The following NCBP2L variants were observed in gnomAD, a reference collection of about 807,000 sequenced individuals.
NCBP2L encodes nuclear cap-binding protein subunit 2-like.
For missense variants in NCBP2L, 95 were observed against 53.1 expected, an observed-to-expected ratio of 1.79 and a Z score of -2.45; for synonymous variants, 39 against 19.2, an observed-to-expected ratio of 2.04 and a Z score of -2.70.
In NCBP2L at chrX:107,783,728, C is replaced by T. The variant is rs151159443; in HGVS notation, c.-73+5870C>T. 8.8e-3 allele frequency among the ~76,000 whole-genome samples: 970 copies of T among 110,764 alleles called. 11 individuals carry two copies. The highest frequency in any genetic ancestry group is 0.03 in the African/African-American group (923 of 30,359). On this transcript the variant is annotated intron_variant, in intron 1 of 1. Transcript: ENST00000509000. The stretch of plus-strand genomic sequence containing the variant: ...TGATGTTTTGACATACATTGTGAAA[C>T]GATTACCACAATCAAGCTAATTAAC...
intron 1 of NCBP2L, among the ~76,000 whole-genome samples, chrX:107,791,175 A>G (rs1236136323): frequency 8.9e-6 from 1 of 112,328 alleles, no homozygotes; most frequent in African/African-American, 3.2e-5. Flanking sequence ...CTCCCATGCC[A>G]GTTATCTTTC....
At position 107,789,174 on chromosome X, in the gene NCBP2L, CTT is replaced by C. The variant is rs760912732; in HGVS notation, c.-72-4953_-72-4952del. 4.5e-3 allele frequency among the ~76,000 whole-genome samples: 301 copies of C among 67,015 alleles called. 3 individuals are homozygous for C. Among genetic ancestry groups the C allele is most frequent in the African/African-American group, 0.018 (285 of 15,921 alleles). 58.2% of individuals were successfully genotyped at this position (67,015 alleles called of 115,157 possible). A position where few individuals can be genotyped will look rare whatever the true frequency, so the allele number is the denominator to read the frequency against. ...GTTGTGTCCCTACATGTCCTAACCT[CTT>C]TTTTTTTTTTTTTTTTTTTTTGGGC... On this transcript the variant is annotated intron_variant, in intron 1 of 1. Transcript: ENST00000509000.
Position 107,795,194 on chromosome X carries a change from C to T in NCBP2L, c.*512C>T, listed in dbSNP as rs891787879. On this transcript the variant is annotated 3_prime_UTR_variant, in exon 2 of 2. Coordinates refer to ENST00000509000, the MANE Select transcript of NCBP2L (RefSeq NM_001348372.2). ...ACCTCTTCCTATCCTACGCCTATTC[C>T]CTGGACGATAACGCTTAATTATTTT... 6.2e-5 allele frequency: 7 copies of T among 112,261 alleles called. No individual in the cohort carries two copies. Among genetic ancestry groups the T allele is most frequent in the African/African-American group, 2.3e-4 (7 of 30,824 alleles). 9.3% of individuals were successfully genotyped at this position (112,261 alleles called of 1,213,427 possible).
In NCBP2L at chrX:107,794,966, A is replaced by G. The variant is rs1602440060; in HGVS notation, c.*284A>G. ...TAAGATCAGAGTCAACCAAAGCACA[A>G]CTTCCCTTTTAAGAAGATTTCTGTT... On this transcript the variant is annotated 3_prime_UTR_variant, in exon 2 of 2. Transcript: ENST00000509000. 6.1e-6 allele frequency: 1 copy of G among 163,004 alleles called. No homozygotes were observed. Among genetic ancestry groups the G allele is most frequent in the African/African-American group, 3.1e-5 (1 of 32,575 alleles). The allele number at this position is 163,004 out of a possible 1,213,427, so 13.4% of individuals were successfully genotyped here. A position where few individuals can be genotyped will look rare whatever the true frequency, so the allele number is the denominator to read the frequency against.
chrX:107,781,692 C>CTCTCTCTATA lies in NCBP2L; in HGVS notation c.-73+3835_-73+3836insCTCTCTATAT, dbSNP rs1395038482. Reference sequence around the variant, plus strand: ...TATCTATCTATCTCTCTCTCTCTCTCTATATATATATATATATAGATCTAT... The same window carrying CTCTCTCTATA: ...TATCTATCTATCTCTCTCTCTCTCTCTCTCTCTATATATATATATATATATATAGATCTAT... On this transcript the variant is annotated intron_variant, in intron 1 of 1. Transcript: ENST00000509000. 2.2e-3 allele frequency among the ~76,000 whole-genome samples: 148 copies of CTCTCTCTATA among 66,906 alleles called. 2 individuals carry two copies. Among genetic ancestry groups the CTCTCTCTATA allele is most frequent in the Middle Eastern group, 9.3e-3 (1 of 108 alleles). 58.1% of individuals were successfully genotyped at this position (66,906 alleles called of 115,157 possible).
chrX:107,794,596 G>C lies in NCBP2L; in HGVS notation c.376G>C (p.Gly126Arg), dbSNP rs5962886. 2 of 567,259 alleles carry C rather than the reference G, an allele frequency of 3.5e-6. No individual in the cohort carries two copies. Among genetic ancestry groups the C allele is most frequent in the Non-Finnish European group, 6.5e-6 (2 of 309,012 alleles). 46.7% of individuals were successfully genotyped at this position (567,259 alleles called of 1,213,427 possible). The change falls in exon 2 of 2, where the codon GGT becomes CGT. Residue 126 changes from glycine (G) to arginine (R), a missense_variant. Coordinates refer to ENST00000509000, the MANE Select transcript of NCBP2L (RefSeq NM_001348372.2). The stretch of plus-strand genomic sequence containing the variant: ...TAGAGAGGGTCAACAGTATGGTCGC[G>C]GTAAATCTGGGGGTCAGGTAAGGGA... ...GFREGQQYGR[G>R]KSGGQVRDEF...
At chrX:107,784,400 C>T (rs1930368597) in intron 1 of NCBP2L, among the ~76,000 whole-genome samples, 1 of 110,801 alleles carries the variant, frequency 9.0e-6, no homozygotes, top group Non-Finnish European at 1.9e-5. Flanking sequence ...TCTTCCATCT[C>T]TGATCTTTTG....
At position 107,789,585 on chromosome X, in the gene NCBP2L, C is replaced by T. The variant is rs1602438138; in HGVS notation, c.-72-4564C>T. Reference sequence around the variant, plus strand: ...CACTGTTATTTCTCTTTTAAGTAAACCAATGACATCCTAATTGCCAAATCT... The same window carrying T: ...CACTGTTATTTCTCTTTTAAGTAAATCAATGACATCCTAATTGCCAAATCT... On this transcript the variant is annotated intron_variant, in intron 1 of 1. Transcript: ENST00000509000. 1.8e-5 allele frequency among the ~76,000 whole-genome samples: 2 copies of T among 111,550 alleles called. 1 individual carries two copies.
At chrX:107,787,547 C>T (rs1205679327) in intron 1 of NCBP2L, among the ~76,000 whole-genome samples, 2 of 112,088 alleles carry the variant, frequency 1.8e-5, no homozygotes, top group Non-Finnish European at 3.8e-5. Flanking sequence ...ACCTCCATGA[C>T]ATGTTTATGT....
chrX:107,790,833 G>A (rs1193192010), intron 1 of NCBP2L, among the ~76,000 whole-genome samples: 2 of 111,647 alleles, frequency 1.8e-5, no homozygotes, highest in African/African-American at 6.5e-5. Flanking sequence ...TAAATACTAC[G>A]TAAATTTTTT....
chrX:107,790,717 A>C (rs1177555046), intron 1 of NCBP2L, among the ~76,000 whole-genome samples: 1 of 111,807 alleles, frequency 8.9e-6, no homozygotes, highest in Non-Finnish European at 1.9e-5. Flanking sequence ...ACTAGTGACA[A>C]TGATTGGGTG....
intron 1 of NCBP2L, among the ~76,000 whole-genome samples, chrX:107,784,934 G>T (rs760911060): frequency 3.7e-5 from 4 of 107,516 alleles, no homozygotes; most frequent in Non-Finnish European, 7.7e-5. Flanking sequence ...AGCTGTGATT[G>T]TGCCACTGCA....
At chrX:107,782,326 A>T (rs7889109) in intron 1 of NCBP2L, among the ~76,000 whole-genome samples, 7 of 30,512 alleles carry the variant, frequency 2.3e-4, no homozygotes, top group South Asian at 1.4e-3. Context: ...TATATATATA[A>T]ATATATATAT....
At chrX:107,782,489 C>T (rs1016465677) in intron 1 of NCBP2L, among the ~76,000 whole-genome samples, 1 of 95,202 alleles carries the variant, frequency 1.1e-5, no homozygotes, top group East Asian at 3.2e-4. Context: ...GAGATCTACG[C>T]TATTAGCAAA....
At position 107,795,813 on chromosome X, in the gene NCBP2L, A is replaced by C. The variant is rs1245128941; in HGVS notation, c.*1131A>C. The C allele has an allele frequency of 1.8e-5, 2 of 111,636 alleles. No individual in the cohort carries two copies. The highest frequency in any genetic ancestry group is 3.8e-5 in the Non-Finnish European group (2 of 53,151). 9.2% of individuals were successfully genotyped at this position (111,636 alleles called of 1,213,427 possible). ...ATACTGCAGTAATAAAAAATCGAAA[A>C]ATTTTAGTGCTTAAAATTACTAAGT... is the stretch of plus-strand genomic sequence containing the variant. On this transcript the variant is annotated 3_prime_UTR_variant, in exon 2 of 2. Transcript: ENST00000509000.
chrX:107,794,032 C>A (rs1380525057), intron 1 of NCBP2L, 117 bp from the exon 2 acceptor site: 1 of 367,097 alleles, frequency 2.7e-6, no homozygotes, highest in Non-Finnish European at 4.7e-6. Flanking sequence ...TTGACATGAT[C>A]CTTATGGTCA....
intron 1 of NCBP2L, among the ~76,000 whole-genome samples, chrX:107,781,702 A>ATATC (rs1324304429): frequency 1.5e-5 from 1 of 68,196 alleles, no homozygotes; most frequent in Non-Finnish European, 2.5e-5. Context: ...CTATATATAT[A>ATATC]TATATATAGA....
intron 1 of NCBP2L, among the ~76,000 whole-genome samples, chrX:107,788,889 T>C (rs1170039479): frequency 9.0e-6 from 1 of 111,477 alleles, no homozygotes; most frequent in African/African-American, 3.3e-5. Flanking sequence ...TCTCACCTAT[T>C]GAGGACTTCA....
In NCBP2L at chrX:107,795,436, T is replaced by TA. The variant is rs1930508088; in HGVS notation, c.*755dup. 8.9e-6 allele frequency: 1 copy of TA among 112,138 alleles called. No individual in the cohort carries two copies. The highest frequency in any genetic ancestry group is 1.9e-5 in the Non-Finnish European group (1 of 53,274). The allele number at this position is 112,138 out of a possible 1,213,427, so 9.2% of individuals were successfully genotyped here. On this transcript the variant is annotated 3_prime_UTR_variant, in exon 2 of 2. Transcript: ENST00000509000. ...GTTCCTGAGTTACAATGGCTTGGCT[T>TA]ACAATGTTTGGACTTTACAATGGTA...
Sources: allele counts gnomAD v4.1 joint callset (sites outside exome capture counted in the v4.1 genomes callset), GRCh38; gene constraint gnomAD v4.1.1; transcripts MANE v1.5; gene names NCBI Gene and HGNC (gene_info 2026-07-23, HGNC 2026-07-21).